RECK: variants seen among roughly 807,000 people sequenced by gnomAD.
The protein encoded by RECK is reversion inducing cysteine rich protein with kazal motifs, also known as reversion-inducing cysteine-rich protein with Kazal motifs.
RECK carries 69 observed loss-of-function variants against 115.1 expected under a neutral mutation model. That is an observed-to-expected ratio of 0.60 (90% CI 0.49 to 0.73). RECK has a LOEUF of 0.73. RECK is among the 30% of genes least tolerant of loss of function. RECK has a pLI of 0.00. For missense variants in RECK, 1,047 were observed against 1,203.7 expected (o/e 0.87, Z 1.93); for synonymous variants, 414 against 419.7 (o/e 0.99, Z 0.17).
chr9:36,066,388 A>G (rs6476519), intron 6 of RECK, among the ~76,000 whole-genome samples: 19,884 of 152,092 alleles, frequency 0.13, 2,438 homozygotes, highest in African/African-American at 0.31. Flanking sequence ...ATTTTTATAT[A>G]CAAACATTGG....
At chr9:36,120,852 G>T (rs997733332) in intron 19 of RECK, 116 bp downstream of exon 19, 14 of 762,746 alleles carry the variant, frequency 1.8e-5, no homozygotes, top group Non-Finnish European at 2.8e-5. Flanking sequence ...CTTCAGAAAA[G>T]CAACTTTCCC....
chr9:36,052,333 CATA>C lies in RECK; in HGVS notation c.159+16_159+18del. 6.3e-7 allele frequency: 1 copy of C among 1,594,934 alleles called. No homozygotes were observed. The highest frequency in any genetic ancestry group is 8.6e-7 in the Non-Finnish European group (1 of 1,163,044). On this transcript the variant is annotated intron_variant, in intron 2 of 20. Coordinates refer to ENST00000377966, the MANE Select transcript of RECK (RefSeq NM_021111.3). ...TGATGTATGTGAACAGGTAAGATTACATAATAATTACAGAGGCAGCCAGACACA... is the reference window on the plus strand; with the variant it reads ...TGATGTATGTGAACAGGTAAGATTACATAATTACAGAGGCAGCCAGACACA...
rs113349646 is a variant in RECK, at chr9:36,045,114, A to G, written c.101-7151A>G. On this transcript the variant is annotated intron_variant, in intron 1 of 20. Transcript: ENST00000377966. ...TGTATCTATCCATACATACATACAG[A>G]TAGATATGGCAGTATGACAAGATGT... Among the ~76,000 whole-genome samples, 93 of 152,338 alleles carry G rather than the reference A, an allele frequency of 6.1e-4. 1 individual carries two copies. Among genetic ancestry groups the G allele is most frequent in the African/African-American group, 2.0e-3 (84 of 41,576 alleles).
At chr9:36,110,762 T>A (rs1824009717) in intron 15 of RECK, among the ~76,000 whole-genome samples, 2 of 152,054 alleles carry the variant, frequency 1.3e-5, no homozygotes, top group East Asian at 1.9e-4. Context: ...GGCAACTTGA[T>A]TCTTCTTTCC....
At chr9:36,111,136 C>T (rs912510057) in intron 15 of RECK, among the ~76,000 whole-genome samples, 5 of 152,156 alleles carry the variant, frequency 3.3e-5, no homozygotes, top group Admixed American at 3.3e-4. Flanking sequence ...TTGAGCTTTA[C>T]AACTAGCAAG....
chr9:36,084,379 A>C (rs1822857364), intron 8 of RECK, among the ~76,000 whole-genome samples: 1 of 151,872 alleles, frequency 6.6e-6, no homozygotes, highest in African/African-American at 2.4e-5. Flanking sequence ...TGACAGAGAG[A>C]GAGCCTGTCT....
intron 2 of RECK, among the ~76,000 whole-genome samples, chr9:36,055,084 C>T (rs1456265966): frequency 6.6e-6 from 1 of 152,072 alleles, no homozygotes; most frequent in Admixed American, 6.6e-5. Context: ...TAATTTCTGC[C>T]TTGAGTGGCA....
rs1164038190 is a variant in RECK at position 36,116,994 on chromosome 9, C to A, written c.2070C>A (p.Pro690=). The A allele has an allele frequency of 3.7e-6, 6 of 1,609,898 alleles. No homozygotes were observed. The highest frequency in any genetic ancestry group is 4.2e-6 in the Non-Finnish European group (5 of 1,177,082). Residue 690 remains proline (P), a synonymous_variant, in exon 17 of 21, where the codon CCC becomes CCA. Transcript: ENST00000377966. Reference sequence around the variant, plus strand: ...CATTCGTCTTTTTCAGGTGCATACCCAAACCACAGGTCTGCCTGACGACTT... The same window carrying A: ...CATTCGTCTTTTTCAGGTGCATACCAAAACCACAGGTCTGCCTGACGACTT... ...NPCQKNQRCI[P]KPQVCLTTFD...
intron 10 of RECK, among the ~76,000 whole-genome samples, chr9:36,093,207 T>G (rs7033405): frequency 0.038 from 5,746 of 152,254 alleles, 183 homozygotes; most frequent in East Asian, 0.15. Flanking sequence ...GTAATTTAAC[T>G]GCCTGCTGGT....
At chr9:36,070,488 G>A (rs944697790) in intron 6 of RECK, among the ~76,000 whole-genome samples, 5 of 149,082 alleles carry the variant, frequency 3.4e-5, no homozygotes, top group African/African-American at 1.2e-4. Flanking sequence ...GAATCTAATA[G>A]AATCTAAAAT....
chr9:36,105,307 A>C (rs575944147), intron 13 of RECK, 24 bp downstream of exon 13: 1 of 1,613,102 alleles, frequency 6.2e-7, no homozygotes, highest in African/African-American at 1.3e-5. Context: ...GGGTGTGAGA[A>C]GAGGATGGAT....
At chr9:36,081,928 G>A (rs568040881) in intron 7 of RECK, among the ~76,000 whole-genome samples, 2 of 152,130 alleles carry the variant, frequency 1.3e-5, no homozygotes, top group East Asian at 3.9e-4. Context: ...TAAAAGAGGC[G>A]GTACAGTAGG....
chr9:36,067,323 TTGTAGA>T (rs1355028933), intron 6 of RECK, among the ~76,000 whole-genome samples: 1 of 152,158 alleles, frequency 6.6e-6, no homozygotes, highest in Non-Finnish European at 1.5e-5. Context: ...TGGGATGAAC[TTGTAGA>T]TGTATGAGCC....
At chr9:36,042,356 C>T (rs1442068157) in intron 1 of RECK, among the ~76,000 whole-genome samples, 1 of 152,068 alleles carries the variant, frequency 6.6e-6, no homozygotes, top group South Asian at 2.1e-4. Context: ...ATAATGGTCT[C>T]CAACTTCATA....
At chr9:36,053,946 C>G (rs1326380241) in intron 2 of RECK, among the ~76,000 whole-genome samples, 26 of 152,180 alleles carry the variant, frequency 1.7e-4, no homozygotes, top group Admixed American at 1.7e-3. Context: ...ACTTTTATCT[C>G]TAGGCACACA....
At chr9:36,070,676 G>C (rs1158928943) in intron 6 of RECK, among the ~76,000 whole-genome samples, 1 of 152,166 alleles carries the variant, frequency 6.6e-6, no homozygotes, top group African/African-American at 2.4e-5. Flanking sequence ...GATTCATCAT[G>C]TGAAGGGGAT....
rs111483052 is a variant in RECK, at chr9:36,051,880, A to T, written c.101-385A>T. 2.8e-3 allele frequency among the ~76,000 whole-genome samples: 427 copies of T among 152,318 alleles called. 3 individuals carry two copies. The highest frequency in any genetic ancestry group is 9.5e-3 in the African/African-American group (394 of 41,572). Reference sequence around the variant, plus strand: ...GATTCACATGCTCAAAACAAAATTCACTATCTTTTTATCAGTTGACTTTTT... The same window carrying T: ...GATTCACATGCTCAAAACAAAATTCTCTATCTTTTTATCAGTTGACTTTTT... On this transcript the variant is annotated intron_variant, in intron 1 of 20. Coordinates refer to ENST00000377966, the MANE Select transcript of RECK (RefSeq NM_021111.3).
chr9:36,120,931 T>A (rs539072922), intron 19 of RECK, among the ~76,000 whole-genome samples, 195 bp downstream of exon 19: 1 of 152,302 alleles, frequency 6.6e-6, no homozygotes, highest in East Asian at 1.9e-4. Flanking sequence ...CAAGCCCATG[T>A]TCCTCCCCCC....
At chr9:36,110,352 T>A (rs1375761745) in intron 15 of RECK, among the ~76,000 whole-genome samples, 3 of 152,204 alleles carry the variant, frequency 2.0e-5, no homozygotes, top group African/African-American at 7.2e-5. Flanking sequence ...ATGGGTTTAA[T>A]TAAATTGAAC....
Sources: gnomAD v4.1 joint callset for allele counts (sites outside exome capture counted in the v4.1 genomes callset) on GRCh38, gnomAD v4.1.1 for gene constraint, MANE v1.5 for transcripts, NCBI Gene and HGNC (gene_info 2026-07-23, HGNC 2026-07-21) for gene names.